The following NGEF variants were observed in gnomAD, a reference collection of about 807,000 sequenced individuals.
The protein encoded by NGEF is neuronal guanine nucleotide exchange factor.
In NGEF, 31 loss-of-function variants were observed where a neutral mutation model predicts 80.9. The observed-to-expected ratio is 0.38, with a 90% CI of 0.29 to 0.52. NGEF has a LOEUF of 0.52. Among genes scored for constraint, NGEF ranks in the 20% least tolerant of loss-of-function variants. The pLI is 0.84. For missense variants in NGEF, 709 were observed against 926.2 expected (o/e 0.77, Z 3.04); for synonymous variants, 371 against 370.2 (o/e 1.00, Z -0.03).
At position 232,974,943 on chromosome 2, in the gene NGEF, C is replaced by T; in HGVS notation, c.-53G>A. On this transcript the variant is annotated 5_prime_UTR_variant, in exon 2 of 15. An upstream open reading frame in the 5' UTR gains an earlier in-frame stop. Transcript: ENST00000264051. ...GAACGACTGGAGGTCAATGACTTTCCCAAGCTTCACTGGTTTGAGTGCTTT... is the reference window on the plus strand; with the variant it reads ...GAACGACTGGAGGTCAATGACTTTCTCAAGCTTCACTGGTTTGAGTGCTTT... 5 of 1,570,038 alleles carry T rather than the reference C, an allele frequency of 3.2e-6. No individual in the cohort carries two copies. The highest frequency in any genetic ancestry group is 4.3e-6 in the Non-Finnish European group (5 of 1,157,300).
Position 232,881,248 on chromosome 2 carries a change from A to C in NGEF, c.1840T>G (p.Cys614Gly). Residue 614 changes from cysteine (C) to glycine (G), a missense_variant and splice_region_variant, in exon 14 of 15, where the codon TGC becomes GGC. Physicochemically the swap from Cys to Gly is radical, Grantham distance 159. This residue lies in a region of NGEF where 426 missense variants were observed against 622.9 expected (regional missense o/e 0.68). Transcript: ENST00000264051. ...FVSFTSRLLD[C>G]PQVQCVHPYV... The stretch of plus-strand genomic sequence containing the variant: ...GGGTGCACGCACTGGACCTGGGGGC[A>C]GTCTGAGGGACAAGAGGCACGGGCA... 6.2e-7 allele frequency: 1 copy of C among 1,606,314 alleles called. No homozygotes were observed. Among genetic ancestry groups the C allele is most frequent in the Non-Finnish European group, 8.5e-7 (1 of 1,179,838 alleles).
intron 1 of NGEF, among the ~76,000 whole-genome samples, chr2:232,992,564 A>T (rs1694672199): frequency 6.6e-6 from 1 of 152,058 alleles, no homozygotes; most frequent in South Asian, 2.1e-4. Flanking sequence ...AACAAAATTT[A>T]AAAAAAAGAA....
intron 3 of NGEF, among the ~76,000 whole-genome samples, chr2:232,966,317 C>T (rs193102509): frequency 1.3e-5 from 2 of 152,204 alleles, no homozygotes; most frequent in Admixed American, 1.3e-4. Flanking sequence ...TGGGCAGACT[C>T]CTTTTCAAAT....
chr2:232,891,248 G>A (rs1321409284), intron 8 of NGEF, 110 bp downstream of exon 8: 1 of 1,395,506 alleles, frequency 7.2e-7, no homozygotes, highest in East Asian at 2.3e-5. Context: ...CATGGGAGGA[G>A]CTTAGTATCT....
chr2:232,928,366 G>C (rs558494636), intron 3 of NGEF, among the ~76,000 whole-genome samples: 19 of 151,638 alleles, frequency 1.3e-4, no homozygotes, highest in Admixed American at 2.6e-4. Context: ...GACCCGGAGA[G>C]GGGCAGAGCT....
Position 232,976,507 on chromosome 2 carries a change from T to C in NGEF, c.-74-1543A>G, listed in dbSNP as rs969628832. Among the ~76,000 whole-genome samples the C allele has an allele frequency of 5.3e-5, 8 of 152,170 alleles. No individual in the cohort carries two copies. In the East Asian group the frequency reaches 1.5e-3, roughly 29 times the overall value. ...ACCCCAGGCCGAGAATGCCTTCGTT[T>C]ACCTAAGATAGGAATTAGGACTTTC... On this transcript the variant is annotated intron_variant, in intron 1 of 14. Transcript: ENST00000264051.
chr2:232,915,891 A>G (rs1437071754), intron 5 of NGEF, among the ~76,000 whole-genome samples: 2 of 152,108 alleles, frequency 1.3e-5, no homozygotes, highest in Non-Finnish European at 2.9e-5. Flanking sequence ...GGGTTTCACC[A>G]TGTTGACCAG....
rs1252307383 is a variant in NGEF at position 232,995,081 on chromosome 2, T to C, written c.-75+17987A>G. 9.8e-5 allele frequency among the ~76,000 whole-genome samples: 3 copies of C among 30,692 alleles called. 1 individual carries two copies. The highest frequency in any genetic ancestry group is 1.8e-4 in the Non-Finnish European group (3 of 16,562). 20.1% of individuals were successfully genotyped at this position (30,692 alleles called of 152,430 possible). On this transcript the variant is annotated intron_variant, in intron 1 of 14. Transcript: ENST00000264051. Reference sequence around the variant, plus strand: ...ATGTACAGTATGTATACTGTATATGTGTACAGTATGTATATGTGTACAGTA... The same window carrying C: ...ATGTACAGTATGTATACTGTATATGCGTACAGTATGTATATGTGTACAGTA...
intron 1 of NGEF, among the ~76,000 whole-genome samples, chr2:232,982,906 T>A (rs577472905): frequency 6.6e-6 from 1 of 152,304 alleles, no homozygotes; most frequent in South Asian, 2.1e-4. Flanking sequence ...GTTTCTGGCT[T>A]GGCAGAAAAG....
At chr2:232,954,560 C>A (rs1300969051) in intron 3 of NGEF, among the ~76,000 whole-genome samples, 2 of 151,810 alleles carry the variant, frequency 1.3e-5, no homozygotes, top group Admixed American at 1.3e-4. Flanking sequence ...GCCGTCTCTA[C>A]TAAAAATACA....
At chr2:232,988,896 G>A (rs906192061) in intron 1 of NGEF, among the ~76,000 whole-genome samples, 3 of 152,188 alleles carry the variant, frequency 2.0e-5, no homozygotes, top group African/African-American at 7.2e-5. Context: ...CAGAAAAAAA[G>A]CAAGAATAGA....
chr2:232,885,772 G>A (rs905633990), intron 9 of NGEF, among the ~76,000 whole-genome samples: 2 of 152,158 alleles, frequency 1.3e-5, no homozygotes, highest in African/African-American at 4.8e-5. Flanking sequence ...CCGAGGACTC[G>A]TTCTGAAGGA....
chr2:233,010,082 G>A (rs756159649), intron 1 of NGEF, among the ~76,000 whole-genome samples: 13 of 152,210 alleles, frequency 8.5e-5, no homozygotes, highest in Middle Eastern at 3.4e-3. Context: ...TAGTAGAGAT[G>A]GGGTTTCACT....
At position 232,998,282 on chromosome 2, in the gene NGEF, T is replaced by C. The variant is rs1368172297; in HGVS notation, c.-75+14786A>G. Among the ~76,000 whole-genome samples the C allele has an allele frequency of 2.6e-5, 4 of 152,102 alleles. No individual in the cohort carries two copies. In the East Asian group the frequency reaches 5.8e-4, roughly 22 times the overall value. On this transcript the variant is annotated intron_variant, in intron 1 of 14. Transcript: ENST00000264051. ...TGAGGCTCAGAGACACTCAGTAAAT[T>C]GTCCAGGATCACACAGCTGGTAAGT...
intron 5 of NGEF, among the ~76,000 whole-genome samples, chr2:232,899,602 A>G (rs1160627172): frequency 7.1e-6 from 1 of 140,516 alleles, no homozygotes; most frequent in Non-Finnish European, 1.6e-5. Flanking sequence ...ACGTTCACTC[A>G]CATTCACTCA....
chr2:232,978,698 A>G (rs1318518967), intron 1 of NGEF, among the ~76,000 whole-genome samples: 6 of 151,862 alleles, frequency 4.0e-5, no homozygotes, highest in Admixed American at 1.3e-4. Flanking sequence ...AGCCCCGGCA[A>G]CCACCAATTA....
At chr2:233,002,089 TC>T (rs1347868407) in intron 1 of NGEF, among the ~76,000 whole-genome samples, 1 of 152,152 alleles carries the variant, frequency 6.6e-6, no homozygotes, top group East Asian at 1.9e-4. Context: ...CATTCGTCTC[TC>T]ATCTAAAATA....
intron 5 of NGEF, among the ~76,000 whole-genome samples, chr2:232,907,918 G>A (rs1218866276): frequency 1.3e-5 from 2 of 152,068 alleles, no homozygotes; most frequent in African/African-American, 4.8e-5. Flanking sequence ...ACACCAGCTT[G>A]GCCAACATGG....
chr2:233,008,584 T>A (rs543187843), intron 1 of NGEF, among the ~76,000 whole-genome samples: 33 of 152,308 alleles, frequency 2.2e-4, no homozygotes, highest in South Asian at 1.2e-3. Context: ...GCCTTCCATA[T>A]CCCCTGTCAC....
Sources: gnomAD v4.1 joint callset for allele counts (sites outside exome capture counted in the v4.1 genomes callset) on GRCh38, gnomAD v4.1.1 for gene constraint, gnomAD v4.1.1 regional missense constraint, MANE v1.5 for transcripts, NCBI Gene and HGNC (gene_info 2026-07-23, HGNC 2026-07-21) for gene names.